The following AGRN variants were observed in gnomAD, a reference collection of about 807,000 sequenced individuals.
AGRN encodes agrin, also known as agrin proteoglycan.
Under a neutral mutation model 211.0 loss-of-function variants are expected in AGRN, and 106 were observed. That is an observed-to-expected ratio of 0.50 (90% CI 0.43 to 0.59). AGRN has a LOEUF of 0.59. Ranked by LOEUF, AGRN falls within the 20% of genes least tolerant of loss-of-function variation. The probability of loss-of-function intolerance (pLI) is 0.00; values close to 1 mark genes in which losing one functional copy is unlikely to be tolerated. For synonymous variants in AGRN, 1,525 were observed against 1,332.5 expected (o/e 1.14, Z -3.15); for missense variants, 3,040 against 2,982.6 (o/e 1.02, Z -0.45).
intron 17 of AGRN, 34 bp downstream of exon 17, chr1:1,046,299 C>T (rs1177406359): frequency 6.2e-7 from 1 of 1,612,310 alleles, no homozygotes. Flanking sequence ...CAGAACTGAC[C>T]AGGAAGGCCT....
chr1:1,022,499 G>A, intron 2 of AGRN, 37 bp downstream of exon 2: 1 of 1,582,822 alleles, frequency 6.3e-7, no homozygotes, highest in Non-Finnish European at 8.6e-7. Context: ...GCCTGTGGGG[G>A]TCAGGGCAGT....
In AGRN at chr1:1,048,754, C is replaced by T. The variant is rs1475768271; in HGVS notation, c.4106-113C>T. On this transcript the variant is annotated intron_variant, in intron 23 of 35. Coordinates refer to ENST00000379370, the MANE Select transcript of AGRN (RefSeq NM_198576.4). This position sits in a 1 kb window ranked among gnomAD's most constrained non-coding sequence, Gnocchi z 5.9. Reference sequence around the variant, plus strand: ...TGCACTCCAGCCGGGGCAAAAAGAGCAAAACTCCGTCTCAAAAAAAAAAAA... The same window carrying T: ...TGCACTCCAGCCGGGGCAAAAAGAGTAAAACTCCGTCTCAAAAAAAAAAAA... The T allele has an allele frequency of 5.7e-6, 7 of 1,233,398 alleles. No individual in the cohort carries two copies. The African/African-American group carries it at 1.3e-4, about 23-fold the overall frequency. 76.4% of individuals were successfully genotyped at this position (1,233,398 alleles called of 1,614,324 possible).
In AGRN at chr1:1,043,900, C is replaced by T; in HGVS notation, c.1876C>T (p.Pro626Ser). 1 of 1,609,706 alleles carries T rather than the reference C, an allele frequency of 6.2e-7. No individual in the cohort carries two copies. The highest frequency in any genetic ancestry group is 8.5e-7 in the Non-Finnish European group (1 of 1,179,288). The change falls in exon 10 of 36, where the codon CCC becomes TCC. Residue 626 changes from proline to serine, a missense_variant. Physicochemically the swap from Pro to Ser is moderately conservative, Grantham distance 74. This residue lies in a region of AGRN where 1,498 missense variants were observed against 1,457.8 expected (regional missense o/e 1.03). Transcript: ENST00000379370. The stretch of plus-strand genomic sequence containing the variant: ...GTGTGTGTGTCCCCGGTGTGAGCAC[C>T]CCCCGCCCGGCCCCGTGTGTGGCAG... ...GQCVCPRCEH[P>S]PPGPVCGSDG...
chr1:1,055,958 C>T lies in AGRN; in HGVS notation c.*977C>T, dbSNP rs1022327289. On this transcript the variant is annotated 3_prime_UTR_variant, in exon 36 of 36. Coordinates refer to ENST00000379370, the MANE Select transcript of AGRN (RefSeq NM_198576.4). ...ATGCCTTAAACTGCAACGTCCCGTC[C>T]CTTCCCCACCCCCATCCCATCCCCA... The T allele has an allele frequency of 6.6e-6, 1 of 152,286 alleles. No homozygotes were observed. Among genetic ancestry groups the T allele is most frequent in the African/African-American group, 2.4e-5 (1 of 41,460 alleles). The allele number at this position is 152,286 out of a possible 1,614,324, so 9.4% of individuals were successfully genotyped here.
chr1:1,026,626 G>T (rs986212204), intron 2 of AGRN, among the ~76,000 whole-genome samples: 1 of 152,062 alleles, frequency 6.6e-6, no homozygotes, highest in Admixed American at 6.5e-5. Context: ...GGGCAGGAAC[G>T]GACCCCCTCC....
intron 4 of AGRN, 78 bp from the exon 5 acceptor site, chr1:1,041,095 G>A: frequency 3.3e-6 from 3 of 909,432 alleles, no homozygotes; most frequent in African/African-American, 1.9e-5. Context: ...GGAGGGGCCT[G>A]GGGGGCGGAG....
rs1645298543 is a variant in AGRN, at chr1:1,051,738, G to T, written c.5574G>T (p.Glu1858Asp). ...SGPHCEKGLV[E>D]KSAGDVDTLA... ...CTGCCTATCTCACAGGGCTGGTGGA[G>T]AAGTCAGCGGGGGACGTGGATACCT... Residue 1858 changes from glutamate (E) to aspartate (D), a missense_variant, in exon 33 of 36, where the codon GAG becomes GAT. By Grantham distance (45) the Glu-to-Asp change is conservative (BLOSUM62 2). This residue lies in a region of AGRN where 1,537 missense variants were observed against 1,505.0 expected (regional missense o/e 1.02). Coordinates refer to ENST00000379370, the MANE Select transcript of AGRN (RefSeq NM_198576.4). 1 of 1,613,864 alleles carries T rather than the reference G, an allele frequency of 6.2e-7. No individual in the cohort carries two copies. The highest frequency in any genetic ancestry group is 1.7e-5 in the Admixed American group (1 of 60,032).
rs760795854 is a variant in AGRN, at chr1:1,053,739, C to T, written c.5652-14C>T. The T allele has an allele frequency of 4.4e-6, 7 of 1,585,774 alleles. No homozygotes were observed. Among genetic ancestry groups the T allele is most frequent in the South Asian group, 3.4e-5 (3 of 86,990 alleles). On this transcript the variant is annotated splice_polypyrimidine_tract_variant and intron_variant, in intron 33 of 35. Transcript: ENST00000379370. The stretch of plus-strand genomic sequence containing the variant: ...CACCTTCCTAGAGGCCCTGACCTGC[C>T]CTCTGCCCTCCAGCGAGAAGGCACT...
chr1:1,044,752 G>A (rs1645043764), intron 12 of AGRN, among the ~76,000 whole-genome samples: 2 of 152,214 alleles, frequency 1.3e-5, no homozygotes, highest in South Asian at 2.1e-4. Flanking sequence ...CATCAATTAG[G>A]TAAAAGTGGT....
At position 1,035,001 on chromosome 1, in the gene AGRN, A is replaced by T. The variant is rs1644767183; in HGVS notation, c.464-276A>T. The T allele has an allele frequency of 5.5e-6, 3 of 546,452 alleles. No individual in the cohort carries two copies. The South Asian group carries it at 6.5e-5, about 12-fold the overall frequency. 33.9% of individuals were successfully genotyped at this position (546,452 alleles called of 1,614,324 possible). Reference sequence around the variant, plus strand: ...GACCTGCGGTGGACTCTTCCAGGGAAGGGGGTCCTGCCTGCACCCCTGTGG... The same window carrying T: ...GACCTGCGGTGGACTCTTCCAGGGATGGGGGTCCTGCCTGCACCCCTGTGG... On this transcript the variant is annotated intron_variant, in intron 2 of 35. Transcript: ENST00000379370.
In AGRN at chr1:1,054,751, G is replaced by A; in HGVS notation, c.5981-73G>A. The A allele has an allele frequency of 2.0e-6, 3 of 1,529,470 alleles. No homozygotes were observed. In the South Asian group the frequency reaches 3.6e-5, roughly 18 times the overall value. The allele number at this position is 1,529,470 out of a possible 1,614,324, so 94.7% of individuals were successfully genotyped here. A position where few individuals can be genotyped will look rare whatever the true frequency, so the allele number is the denominator to read the frequency against. ...GTGCCCAGGTGTGGGCCCCCTGCTG[G>A]TCACCTGCTCGTTGGGGTGCCCATC... On this transcript the variant is annotated intron_variant, in intron 35 of 35. Coordinates refer to ENST00000379370, the MANE Select transcript of AGRN (RefSeq NM_198576.4).
chr1:1,046,240 T>C lies in AGRN; in HGVS notation c.2886T>C (p.Ser962=). 2 of 1,609,926 alleles carry C rather than the reference T, an allele frequency of 1.2e-6. No homozygotes were observed. The highest frequency in any genetic ancestry group is 1.7e-6 in the Non-Finnish European group (2 of 1,176,728). Reference sequence around the variant, plus strand: ...CCTGCCGCCAGGGCCTGCAAATCTCTATCCAGAGCCTGGGCCCGTGCCAGG... The same window carrying C: ...CCTGCCGCCAGGGCCTGCAAATCTCCATCCAGAGCCTGGGCCCGTGCCAGG... The part of the protein sequence containing the change: ...TIACRQGLQI[S]IQSLGPCQEA... Residue 962 remains serine, a synonymous_variant, in exon 17 of 36, where the codon TCT becomes TCC. Coordinates refer to ENST00000379370, the MANE Select transcript of AGRN (RefSeq NM_198576.4).
intron 34 of AGRN, 100 bp from the exon 35 acceptor site, chr1:1,054,348 T>A: frequency 1.7e-6 from 2 of 1,145,858 alleles, no homozygotes; most frequent in East Asian, 5.2e-5. Flanking sequence ...TTCTCCAGGC[T>A]GAGGCACCTG....
rs1172782014 is a variant in AGRN at position 1,055,174 on chromosome 1, C to T, written c.*193C>T. ...AGGCGAGGTGGCAGCGTGGAGGGCTCGGCGTGGATGGCAGCCTCAGGACAC... is the reference window on the plus strand; with the variant it reads ...AGGCGAGGTGGCAGCGTGGAGGGCTTGGCGTGGATGGCAGCCTCAGGACAC... On this transcript the variant is annotated 3_prime_UTR_variant, in exon 36 of 36. Coordinates refer to ENST00000379370, the MANE Select transcript of AGRN (RefSeq NM_198576.4). 14 of 888,430 alleles carry T rather than the reference C, an allele frequency of 1.6e-5. No homozygotes were observed. Among genetic ancestry groups the T allele is most frequent in the Admixed American group, 4.3e-5 (2 of 46,784 alleles). The allele number at this position is 888,430 out of a possible 1,614,324, so 55.0% of individuals were successfully genotyped here. A position where few individuals can be genotyped will look rare whatever the true frequency, so the allele number is the denominator to read the frequency against.
In AGRN at chr1:1,048,828, G is replaced by A. The variant is rs768449979; in HGVS notation, c.4106-39G>A. 2.0e-5 allele frequency: 30 copies of A among 1,511,038 alleles called. No individual in the cohort carries two copies. The highest frequency in any genetic ancestry group is 2.4e-5 in the Non-Finnish European group (27 of 1,131,354). 93.6% of individuals were successfully genotyped at this position (1,511,038 alleles called of 1,614,324 possible). A position where few individuals can be genotyped will look rare whatever the true frequency, so the allele number is the denominator to read the frequency against. ...TCAGGGATAAAAGTGGGGAATCCTCGGAGCTTTTCCAGCCGGCCCTCCCGG... is the reference window on the plus strand; with the variant it reads ...TCAGGGATAAAAGTGGGGAATCCTCAGAGCTTTTCCAGCCGGCCCTCCCGG... On this transcript the variant is annotated intron_variant, in intron 23 of 35. Coordinates refer to ENST00000379370, the MANE Select transcript of AGRN (RefSeq NM_198576.4). The surrounding 1 kb of genome is among the most constrained non-coding windows in gnomAD (Gnocchi z 5.9).
At chr1:1,022,987 G>A (rs560964104) in intron 2 of AGRN, among the ~76,000 whole-genome samples, 1 of 152,332 alleles carries the variant, frequency 6.6e-6, no homozygotes, top group South Asian at 2.1e-4. Flanking sequence ...GCCGAGGAGT[G>A]GCCCTCCCTG....
chr1:1,029,415 G>GTGTCTATGCAGGCAGGTGGGGGGA (rs1189349942), intron 2 of AGRN, among the ~76,000 whole-genome samples: 2 of 68,792 alleles, frequency 2.9e-5, no homozygotes, highest in Non-Finnish European at 6.8e-5. Flanking sequence ...AGGTGGGGGG[G>GTGTCTATGCAGGCAGGTGGGGGGA]ACATCAGTGT....
Position 1,055,267 on chromosome 1 carries a change from AAGCAGCCCCGGCTCCTGAAT to A in AGRN, c.*287_*306del. The A allele has an allele frequency of 2.1e-6, 1 of 479,094 alleles. No homozygotes were observed. Among genetic ancestry groups the A allele is most frequent in the Non-Finnish European group, 3.9e-6 (1 of 259,366 alleles). 29.7% of individuals were successfully genotyped at this position (479,094 alleles called of 1,614,324 possible). ...CCTGCCCCACGGTGTCCCCGCCGGG[AAGCAGCCCCGGCTCCTGAAT>A]CACCCTCGCTCCGTCAGGCGGGACT... On this transcript the variant is annotated 3_prime_UTR_variant, in exon 36 of 36. Transcript: ENST00000379370.
chr1:1,052,883 G>T, intron 33 of AGRN: 1 of 158,322 alleles, frequency 6.3e-6, no homozygotes, highest in East Asian at 1.9e-4. Context: ...GGGGGAGACA[G>T]GTGTGTGTCC....
Sources: gnomAD v4.1 joint callset for allele counts (sites outside exome capture counted in the v4.1 genomes callset) on GRCh38, gnomAD v4.1.1 for gene constraint, gnomAD v4.1.1 regional missense constraint, Gnocchi (gnomAD v3.1) non-coding constraint, MANE v1.5 for transcripts, NCBI Gene and HGNC (gene_info 2026-07-23, HGNC 2026-07-21) for gene names.